The following PTPRN2 variants were observed in gnomAD, a reference collection of about 807,000 sequenced individuals.
PTPRN2 encodes receptor-type tyrosine-protein phosphatase N2.
In PTPRN2, 74 loss-of-function variants were observed where a neutral mutation model predicts 118.8. That is an observed-to-expected ratio of 0.62 (90% CI 0.52 to 0.76). The LOEUF (loss-of-function observed/expected upper bound fraction) is 0.76, where lower values mean the gene tolerates loss of function less well. Among genes scored for constraint, PTPRN2 ranks in the 30% least tolerant of loss-of-function variants. PTPRN2 has a pLI of 0.00. For synonymous variants in PTPRN2, 641 were observed against 608.0 expected (o/e 1.05, Z -0.80); for missense variants, 1,481 against 1,394.4 (o/e 1.06, Z -0.99).
intron 2 of PTPRN2, among the ~76,000 whole-genome samples, chr7:158,432,878 G>A (rs954142699): frequency 6.6e-6 from 1 of 152,182 alleles, no homozygotes; most frequent in African/African-American, 2.4e-5. Flanking sequence ...AACGAGGAAG[G>A]GGGAAGAGGC....
rs141465182 is a variant in PTPRN2 at position 158,284,897 on chromosome 7, C to A, written c.277+31922G>T. Among the ~76,000 whole-genome samples, 834 of 152,356 alleles carry A rather than the reference C, an allele frequency of 5.5e-3. 6 individuals are homozygous for A. Among genetic ancestry groups the A allele is most frequent in the African/African-American group, 0.019 (802 of 41,580 alleles). The stretch of plus-strand genomic sequence containing the variant: ...CAGTGCCTCAATATGCCTGGCCTGG[C>A]TGGCACACGCCGCCTGCCTAGATTG... On this transcript the variant is annotated intron_variant, in intron 3 of 22. Transcript: ENST00000389418.
intron 6 of PTPRN2, 116 bp downstream of exon 6, chr7:158,166,815 C>G (rs537462460): frequency 1.3e-5 from 17 of 1,278,138 alleles, no homozygotes; most frequent in Non-Finnish European, 1.7e-5. Context: ...CACGCGTCCT[C>G]GGGGGAGTGC....
intron 12 of PTPRN2, among the ~76,000 whole-genome samples, chr7:157,791,493 C>T (rs559266603): frequency 3.8e-4 from 58 of 152,244 alleles, no homozygotes; most frequent in African/African-American, 1.3e-3. Flanking sequence ...CCTCCACACG[C>T]CTGCCTGGCG....
chr7:157,689,465 C>G (rs1299004880), intron 12 of PTPRN2, among the ~76,000 whole-genome samples: 1 of 152,216 alleles, frequency 6.6e-6, no homozygotes, highest in Non-Finnish European at 1.5e-5. Flanking sequence ...TCCCAGCCGT[C>G]CAGCCCGCAG....
chr7:158,400,274 G>A (rs894084451), intron 2 of PTPRN2, among the ~76,000 whole-genome samples: 2 of 152,012 alleles, frequency 1.3e-5, no homozygotes, highest in African/African-American at 2.4e-5. Context: ...AAGCAGATGC[G>A]CTACCCTATG....
chr7:158,423,980 T>A (rs1404078949), intron 2 of PTPRN2, among the ~76,000 whole-genome samples: 2 of 152,216 alleles, frequency 1.3e-5, no homozygotes, highest in Non-Finnish European at 2.9e-5. Flanking sequence ...GTAATTACCT[T>A]ATTTTCACTT....
intron 1 of PTPRN2, among the ~76,000 whole-genome samples, chr7:158,518,671 A>G (rs1258871562): frequency 1.3e-5 from 2 of 152,202 alleles, no homozygotes; most frequent in Admixed American, 1.3e-4. Flanking sequence ...GCTAAGGGTC[A>G]AACATTCGAG....
At chr7:157,692,400 G>T (rs1797550281) in intron 12 of PTPRN2, among the ~76,000 whole-genome samples, 1 of 152,250 alleles carries the variant, frequency 6.6e-6, no homozygotes, top group African/African-American at 2.4e-5. Context: ...CTTGCCTGGC[G>T]CTTTTCTCTC....
intron 11 of PTPRN2, among the ~76,000 whole-genome samples, chr7:158,066,269 T>G (rs1810763284): frequency 6.6e-6 from 1 of 152,210 alleles, no homozygotes; most frequent in Non-Finnish European, 1.5e-5. Context: ...ATGAGGTGGA[T>G]GAGTCCCCTC....
chr7:158,274,076 G>A (rs1218299845), intron 3 of PTPRN2, among the ~76,000 whole-genome samples: 8 of 135,192 alleles, frequency 5.9e-5, no homozygotes, highest in South Asian at 2.4e-4. Flanking sequence ...AGGGGGAGCC[G>A]CAGACACAGG....
At chr7:158,440,230 C>A (rs1356298423) in intron 2 of PTPRN2, among the ~76,000 whole-genome samples, 1 of 152,254 alleles carries the variant, frequency 6.6e-6, no homozygotes, top group Non-Finnish European at 1.5e-5. Context: ...CCTCCAAAGA[C>A]TTGACATTCA....
At chr7:157,681,362 A>C (rs1042569973) in intron 13 of PTPRN2, among the ~76,000 whole-genome samples, 4 of 152,190 alleles carry the variant, frequency 2.6e-5, no homozygotes, top group African/African-American at 9.6e-5. Context: ...TTACTAGTTT[A>C]TGTGACATTT....
At chr7:158,061,806 G>A (rs192492058) in intron 11 of PTPRN2, among the ~76,000 whole-genome samples, 65 of 152,338 alleles carry the variant, frequency 4.3e-4, no homozygotes, top group African/African-American at 1.4e-3. Context: ...CACACAAGAC[G>A]CTCTGAGCAG....
chr7:158,289,589 A>G (rs1799975203), intron 3 of PTPRN2, among the ~76,000 whole-genome samples: 1 of 152,062 alleles, frequency 6.6e-6, no homozygotes, highest in Non-Finnish European at 1.5e-5. Context: ...GTTTTTCTAT[A>G]TTTTCTTGAA....
chr7:158,100,971 C>A (rs979472044), intron 10 of PTPRN2, among the ~76,000 whole-genome samples: 5 of 152,126 alleles, frequency 3.3e-5, no homozygotes, highest in Admixed American at 6.5e-5. Context: ...CAAATTCAAT[C>A]CAATCCCCAT....
chr7:157,818,277 C>T (rs55947809), intron 12 of PTPRN2, among the ~76,000 whole-genome samples: 384 of 151,904 alleles, frequency 2.5e-3, no homozygotes, highest in Non-Finnish European at 4.6e-3. Context: ...TGGTAGATGC[C>T]GGCAGTGTGT....
intron 2 of PTPRN2, among the ~76,000 whole-genome samples, chr7:158,455,907 A>G (rs184186635): frequency 7.0e-4 from 102 of 146,464 alleles, no homozygotes; most frequent in Non-Finnish European, 1.1e-3. Context: ...TGCAGAGAAC[A>G]TAACAGCATG....
chr7:158,145,369 C>T (rs1585605367), intron 6 of PTPRN2, among the ~76,000 whole-genome samples: 1 of 152,230 alleles, frequency 6.6e-6, no homozygotes, highest in Non-Finnish European at 1.5e-5. Flanking sequence ...ACTTCCCTCA[C>T]ATCATCGTGA....
chr7:158,556,090 T>C (rs954706883), intron 1 of PTPRN2, among the ~76,000 whole-genome samples: 3 of 152,214 alleles, frequency 2.0e-5, no homozygotes, highest in Non-Finnish European at 4.4e-5. Context: ...AAATAGCTGA[T>C]AGACATTGTT....
Sources: gnomAD v4.1 joint callset for allele counts (sites outside exome capture counted in the v4.1 genomes callset) on GRCh38, gnomAD v4.1.1 for gene constraint, MANE v1.5 for transcripts, NCBI Gene and HGNC (gene_info 2026-07-23, HGNC 2026-07-21) for gene names.